Variants in ROBO2 observed in about 807,000 individuals in gnomAD.
The protein encoded by ROBO2 is roundabout homolog 2.
In ROBO2, 53 loss-of-function variants were observed where a neutral mutation model predicts 160.8. The ratio of observed to expected loss-of-function variants is 0.33; its 90% CI spans 0.26 to 0.41. The LOEUF is 0.41. Ranked by LOEUF, ROBO2 falls within the 10% of genes least tolerant of loss-of-function variation. The pLI is 1.00. For synonymous variants in ROBO2, 664 were observed against 611.7 expected (o/e 1.09, Z -1.26); for missense variants, 1,577 against 1,722.4 (o/e 0.92, Z 1.49).
intron 2 of ROBO2, among the ~76,000 whole-genome samples, chr3:76,502,089 T>C (rs1054745110): frequency 2.1e-5 from 3 of 144,896 alleles, no homozygotes; most frequent in Non-Finnish European, 2.9e-5. Flanking sequence ...ACAGTGTTAA[T>C]TTTAAAGTGT....
intron 2 of ROBO2, among the ~76,000 whole-genome samples, chr3:77,454,050 T>TGGG (rs1243370868): frequency 6.6e-6 from 1 of 152,030 alleles, no homozygotes; most frequent in Non-Finnish European, 1.5e-5. Context: ...CATTAGACAT[T>TGGG]TTAAAAAATA....
In ROBO2 at chr3:76,280,963, C is replaced by T. The variant is rs138449113; in HGVS notation, c.109+343361C>T. On this transcript the variant is annotated intron_variant, in intron 2 of 26. Transcript: ENST00000487694. ...GGGAATATGTACTGGAGCCACCCTT[C>T]TGGAAGGAAGTCTCACCGTTTGTGC... Among the ~76,000 whole-genome samples, 392 of 152,040 alleles carry T rather than the reference C, an allele frequency of 2.6e-3. 3 individuals carry two copies. Among genetic ancestry groups the T allele is most frequent in the African/African-American group, 9.2e-3 (382 of 41,518 alleles).
intron 2 of ROBO2, among the ~76,000 whole-genome samples, chr3:76,333,712 A>G (rs752399007): frequency 6.6e-6 from 1 of 152,102 alleles, no homozygotes; most frequent in Admixed American, 6.5e-5. Context: ...ATAGTATTCC[A>G]TGGTGTATAT....
intron 2 of ROBO2, among the ~76,000 whole-genome samples, chr3:76,931,345 C>G (rs1165541757): frequency 2.0e-5 from 3 of 152,212 alleles, no homozygotes; most frequent in Non-Finnish European, 2.9e-5. Flanking sequence ...TAGTTTACCA[C>G]AATTCAGAAA....
At chr3:76,775,550 G>A (rs1482339247) in intron 2 of ROBO2, among the ~76,000 whole-genome samples, 1 of 150,632 alleles carries the variant, frequency 6.6e-6, no homozygotes, top group African/African-American at 2.4e-5. Context: ...GCTGTACTTA[G>A]CAATGAATAA....
At chr3:76,132,577 T>C (rs947386556) in intron 2 of ROBO2, among the ~76,000 whole-genome samples, 2 of 152,138 alleles carry the variant, frequency 1.3e-5, no homozygotes, top group Non-Finnish European at 2.9e-5. Context: ...AGTCCTGCTA[T>C]GTTAACTCTT....
In ROBO2 at chr3:76,290,255, C is replaced by T. The variant is rs1020567012; in HGVS notation, c.109+352653C>T. Among the ~76,000 whole-genome samples the T allele has an allele frequency of 2.6e-5, 4 of 152,046 alleles. No individual in the cohort carries two copies. The East Asian group carries it at 7.7e-4, about 29-fold the overall frequency. ...TCTCATTGTAGAGATGTTTTACCTCCCTGAATAGCTGTATTCCTGGGTATT... is the reference window on the plus strand; with the variant it reads ...TCTCATTGTAGAGATGTTTTACCTCTCTGAATAGCTGTATTCCTGGGTATT... On this transcript the variant is annotated intron_variant, in intron 2 of 26. Coordinates refer to the ROBO2 transcript ENST00000487694.
chr3:76,719,799 G>C (rs1004921732), intron 2 of ROBO2, among the ~76,000 whole-genome samples: 6 of 151,458 alleles, frequency 4.0e-5, no homozygotes, highest in African/African-American at 1.2e-4. Context: ...CACGAGAATC[G>C]CTTGAACCTG....
chr3:76,282,759 A>G (rs1461209405), intron 2 of ROBO2, among the ~76,000 whole-genome samples: 1 of 151,912 alleles, frequency 6.6e-6, no homozygotes, highest in Non-Finnish European at 1.5e-5. Flanking sequence ...CAAGCCTCCC[A>G]GCAACAGCAC....
intron 2 of ROBO2, among the ~76,000 whole-genome samples, chr3:77,188,949 T>TTGTGTGTGTGTGTGTGTG (rs369545817): frequency 0.12 from 16,491 of 140,718 alleles, 1,057 homozygotes; most frequent in Middle Eastern, 0.18. Context: ...TTTTGTAATC[T>TTGTGTGTGTGTGTGTGTG]TGTGTGTGTG....
chr3:77,348,378 G>A (rs1560589634), intron 2 of ROBO2, among the ~76,000 whole-genome samples: 1 of 152,028 alleles, frequency 6.6e-6, no homozygotes, highest in Non-Finnish European at 1.5e-5. Flanking sequence ...AACTTTCATG[G>A]CGCTGGTGCG....
chr3:76,803,394 G>A (rs1409428023), intron 2 of ROBO2, among the ~76,000 whole-genome samples: 2 of 149,560 alleles, frequency 1.3e-5, no homozygotes, highest in Non-Finnish European at 3.0e-5. Context: ...AGAAAAGGAG[G>A]AGGAGGATAC....
intron 2 of ROBO2, among the ~76,000 whole-genome samples, chr3:77,206,679 CT>C (rs913508812): frequency 6.6e-6 from 1 of 151,878 alleles, no homozygotes; most frequent in African/African-American, 2.4e-5. Context: ...TATATTATTT[CT>C]TTTTGGAATA....
intron 2 of ROBO2, among the ~76,000 whole-genome samples, chr3:76,258,685 A>C (rs1394697843): frequency 6.6e-6 from 1 of 151,962 alleles, no homozygotes; most frequent in Non-Finnish European, 1.5e-5. Context: ...TATTTTTCTA[A>C]AATGTGTAGC....
At chr3:76,456,796 G>A (rs1026108420) in intron 2 of ROBO2, among the ~76,000 whole-genome samples, 1 of 152,132 alleles carries the variant, frequency 6.6e-6, no homozygotes, top group African/African-American at 2.4e-5. Flanking sequence ...ACATGGCTGG[G>A]AAGGCCTCAA....
chr3:76,240,885 T>A (rs557230919), intron 2 of ROBO2, among the ~76,000 whole-genome samples: 1 of 152,168 alleles, frequency 6.6e-6, no homozygotes, highest in Non-Finnish European at 1.5e-5. Flanking sequence ...ATGTCAGAAC[T>A]TAGTAAATGA....
At position 77,239,606 on chromosome 3, in the gene ROBO2, T is replaced by C. The variant is rs1342207334; in HGVS notation, c.388+141266T>C. ...ACTGGCCCATTTTACAGAGAGCTGA[T>C]TGGTCCATTTTGACAGGGTGCCGAT... On this transcript the variant is annotated intron_variant, in intron 2 of 25. Coordinates refer to ENST00000461745, the Ensembl canonical transcript of ROBO2. Among the ~76,000 whole-genome samples, 5 of 152,310 alleles carry C rather than the reference T, an allele frequency of 3.3e-5. No individual in the cohort carries two copies. In the East Asian group the frequency reaches 9.7e-4, roughly 29 times the overall value.
chr3:76,562,019 T>C (rs1054626109), intron 2 of ROBO2, among the ~76,000 whole-genome samples: 1 of 152,026 alleles, frequency 6.6e-6, no homozygotes, highest in African/African-American at 2.4e-5. Flanking sequence ...CCCCTGTCAT[T>C]TACATCTCAA....
intron 2 of ROBO2, among the ~76,000 whole-genome samples, chr3:77,293,886 G>T (rs563234287): frequency 7.2e-6 from 1 of 139,764 alleles, no homozygotes; most frequent in Non-Finnish European, 1.5e-5. Flanking sequence ...TAAAATTGAC[G>T]GCTAAACGAG....
Sources: gnomAD v4.1 joint callset for allele counts (sites outside exome capture counted in the v4.1 genomes callset) on GRCh38, gnomAD v4.1.1 for gene constraint, MANE v1.5 for transcripts, NCBI Gene and HGNC (gene_info 2026-07-23, HGNC 2026-07-21) for gene names.